The following IL1RAPL1 variants were observed in gnomAD, a reference collection of about 807,000 sequenced individuals.
The protein encoded by IL1RAPL1 is interleukin-1 receptor accessory protein-like 1.
Under a neutral mutation model 48.4 loss-of-function variants are expected in IL1RAPL1, and 3 were observed. That is an observed-to-expected ratio of 0.06 (90% CI 0.03 to 0.16). The LOEUF (loss-of-function observed/expected upper bound fraction) is 0.16. Ranked by LOEUF, IL1RAPL1 falls within the 10% of genes least tolerant of loss-of-function variation. The pLI is 1.00. For synonymous variants in IL1RAPL1, 185 were observed against 187.7 expected (o/e 0.99, Z 0.12); for missense variants, 349 against 530.6 (o/e 0.66, Z 3.36).
intron 2 of IL1RAPL1, among the ~76,000 whole-genome samples, chrX:29,034,373 G>T (rs933169074): frequency 9.0e-6 from 1 of 111,511 alleles, no homozygotes; most frequent in Non-Finnish European, 1.9e-5. Flanking sequence ...TTTTTCTTGT[G>T]TTATAATATT....
At chrX:29,903,467 A>C (rs897121552) in intron 6 of IL1RAPL1, among the ~76,000 whole-genome samples, 2 of 111,458 alleles carry the variant, frequency 1.8e-5, no homozygotes, top group African/African-American at 6.5e-5. Flanking sequence ...CTAATTGCAA[A>C]GAGTAAAATG....
At chrX:28,609,490 C>A (rs1934121256) in intron 1 of IL1RAPL1, among the ~76,000 whole-genome samples, 1 of 109,214 alleles carries the variant, frequency 9.2e-6, no homozygotes, top group Non-Finnish European at 1.9e-5. Flanking sequence ...TCCCATAAAT[C>A]TTTGGTCCTT....
At chrX:29,257,781 T>A (rs183160918) in intron 2 of IL1RAPL1, among the ~76,000 whole-genome samples, 1 of 112,118 alleles carries the variant, frequency 8.9e-6, no homozygotes, top group East Asian at 2.8e-4. Flanking sequence ...GTTTATTTTA[T>A]GATAACATGT....
chrX:29,953,964 G>A (rs189024434), intron 9 of IL1RAPL1, among the ~76,000 whole-genome samples: 124 of 110,787 alleles, frequency 1.1e-3, no homozygotes, highest in East Asian at 6.3e-3. Flanking sequence ...TGCTGGGTGC[G>A]GTGGCTCACG....
rs759803179 is a variant in IL1RAPL1 at position 29,034,328 on chromosome X, A to G, written c.82+244903A>G. ...TTTCAGTTCATATTTGATATTTTTCAGACAATCATCTTTACATGACTGCTT... is the reference window on the plus strand; with the variant it reads ...TTTCAGTTCATATTTGATATTTTTCGGACAATCATCTTTACATGACTGCTT... On this transcript the variant is annotated intron_variant, in intron 2 of 10. Coordinates refer to ENST00000378993, the MANE Select transcript of IL1RAPL1 (RefSeq NM_014271.4). 3.7e-4 allele frequency among the ~76,000 whole-genome samples: 42 copies of G among 112,283 alleles called. No homozygotes were observed. The South Asian group carries it at 0.015, about 40-fold the overall frequency.
intron 5 of IL1RAPL1, among the ~76,000 whole-genome samples, chrX:29,615,258 G>A (rs996945189): frequency 2.7e-5 from 3 of 112,193 alleles, no homozygotes; most frequent in Middle Eastern, 4.7e-3. Context: ...AAAATGTAGT[G>A]TGGCCTGGCC....
intron 2 of IL1RAPL1, among the ~76,000 whole-genome samples, chrX:28,800,911 T>C (rs1936667449): frequency 9.3e-6 from 1 of 108,011 alleles, no homozygotes; most frequent in Non-Finnish European, 1.9e-5. Flanking sequence ...AGACAGAGTC[T>C]TGCCCTGTCG....
At chrX:29,043,929 G>A (rs1444158791) in intron 2 of IL1RAPL1, among the ~76,000 whole-genome samples, 1 of 111,827 alleles carries the variant, frequency 8.9e-6, no homozygotes, top group Admixed American at 9.5e-5. Context: ...GGGGAGCTTA[G>A]AGGGTATCAT....
intron 2 of IL1RAPL1, among the ~76,000 whole-genome samples, chrX:28,970,729 A>G (rs1160407559): frequency 8.9e-6 from 1 of 111,808 alleles, no homozygotes; most frequent in Non-Finnish European, 1.9e-5. Context: ...TAAAAAAACT[A>G]ACTTTTTAAG....
chrX:29,367,541 C>T (rs1198291047), intron 3 of IL1RAPL1, among the ~76,000 whole-genome samples: 31 of 96,945 alleles, frequency 3.2e-4, no homozygotes, highest in Non-Finnish European at 2.5e-4. Context: ...AGCAAAAGGG[C>T]TTCTATTTAT....
At chrX:29,174,720 G>A (rs188311128) in intron 2 of IL1RAPL1, among the ~76,000 whole-genome samples, 7 of 111,657 alleles carry the variant, frequency 6.3e-5, no homozygotes, top group African/African-American at 1.9e-4. Context: ...TTTAAATTGC[G>A]GTGGGTTTGT....
chrX:28,771,422 A>T (rs1177312741), intron 1 of IL1RAPL1, among the ~76,000 whole-genome samples: 2 of 112,364 alleles, frequency 1.8e-5, no homozygotes. Flanking sequence ...GCTAGAATAT[A>T]TTAGTTGCAG....
intron 5 of IL1RAPL1, among the ~76,000 whole-genome samples, chrX:29,500,032 A>G (rs760855592): frequency 3.7e-5 from 4 of 109,154 alleles, no homozygotes; most frequent in East Asian, 2.9e-4. Context: ...CCTGGAGTGC[A>G]GTGGCACGAT....
intron 6 of IL1RAPL1, among the ~76,000 whole-genome samples, chrX:29,835,116 G>A (rs1601844987): frequency 8.9e-6 from 1 of 112,017 alleles, no homozygotes; most frequent in South Asian, 3.7e-4. Flanking sequence ...AATGCACAAT[G>A]CTTTTCTACA....
intron 3 of IL1RAPL1, among the ~76,000 whole-genome samples, chrX:29,357,447 T>C (rs1933319971): frequency 8.9e-6 from 1 of 112,287 alleles, no homozygotes; most frequent in African/African-American, 3.2e-5. Context: ...GATTTTGCAT[T>C]TATTTGAAAA....
chrX:28,795,239 A>C, intron 2 of IL1RAPL1, among the ~76,000 whole-genome samples: 1 of 111,910 alleles, frequency 8.9e-6, no homozygotes. Context: ...GATCTAGAGT[A>C]ATTTTAATAT....
intron 8 of IL1RAPL1, among the ~76,000 whole-genome samples, chrX:29,934,691 TAC>T (rs765103406): frequency 2.7e-5 from 3 of 110,193 alleles, no homozygotes; most frequent in African/African-American, 3.3e-5. Context: ...GCACTACATA[TAC>T]ACACACACAC....
chrX:29,521,185 C>T (rs1935499060), intron 5 of IL1RAPL1, among the ~76,000 whole-genome samples: 1 of 112,115 alleles, frequency 8.9e-6, no homozygotes, highest in Admixed American at 9.4e-5. Context: ...TCAGCATAAA[C>T]AAATATAACA....
At chrX:28,932,157 A>T (rs1233105849) in intron 2 of IL1RAPL1, among the ~76,000 whole-genome samples, 2 of 111,462 alleles carry the variant, frequency 1.8e-5, no homozygotes, top group East Asian at 5.6e-4. Context: ...ATTTCTCCTT[A>T]AATTTTATAT....
Sources: gnomAD v4.1 joint callset for allele counts (sites outside exome capture counted in the v4.1 genomes callset) on GRCh38, gnomAD v4.1.1 for gene constraint, MANE v1.5 for transcripts, NCBI Gene and HGNC (gene_info 2026-07-23, HGNC 2026-07-21) for gene names.